NTRK2: variants seen among roughly 807,000 people sequenced by gnomAD.
The protein encoded by NTRK2 is neurotrophic receptor tyrosine kinase 2.
A neutral mutation model predicts 94.5 loss-of-function variants in NTRK2; 13 were observed. The observed-to-expected ratio is 0.14, with a 90% CI of 0.09 to 0.22. NTRK2 has a LOEUF of 0.22. NTRK2 is among the 10% of genes least tolerant of loss of function. The pLI, the probability that NTRK2 is intolerant of heterozygous loss-of-function variation, is 1.00. For missense variants in NTRK2, 639 were observed against 1,071.2 expected (o/e 0.60, Z 5.63); for synonymous variants, 372 against 407.4 (o/e 0.91, Z 1.05).
intron 17 of NTRK2, among the ~76,000 whole-genome samples, chr9:84,971,722 G>A (rs1043187859): frequency 6.6e-6 from 1 of 152,214 alleles, no homozygotes; most frequent in Non-Finnish European, 1.5e-5. Context: ...GCAACTCTGT[G>A]AGCCAGAGTA....
intron 4 of NTRK2, among the ~76,000 whole-genome samples, chr9:84,706,521 G>GTTTTTTTTTTTTTTTTTTTTT (rs1173199220): frequency 1.0e-5 from 1 of 95,384 alleles, no homozygotes; most frequent in South Asian, 4.0e-4. Context: ...GTTATTTTTT[G>GTTTTTTTTTTTTTTTTTTTTT]TTTTTGTTTT....
chr9:84,793,928 C>T (rs1350962341), intron 12 of NTRK2, among the ~76,000 whole-genome samples: 9 of 152,148 alleles, frequency 5.9e-5, no homozygotes, highest in East Asian at 1.9e-4. Flanking sequence ...GAGCACATAT[C>T]GAAGGCAGAA....
chr9:84,669,227 C>G (rs935963385), upstream of NTRK2: 1 of 152,510 alleles, frequency 6.6e-6, no homozygotes, highest in African/African-American at 2.4e-5. This position sits in a 1 kb window ranked among gnomAD's most constrained non-coding sequence, Gnocchi z 4.1. Flanking sequence ...CCCTTTTAGG[C>G]AGGGTGGGAA....
At position 84,869,378 on chromosome 9, in the gene NTRK2, C is replaced by T. The variant is rs149127551; in HGVS notation, c.1633+1947C>T. On this transcript the variant is annotated intron_variant, in intron 14 of 18. Transcript: ENST00000277120. ...CCCAGCTTAGTGTCCTCAGTCACTC[C>T]ACACCATATATCAAACGAGATTTTC... is the stretch of plus-strand genomic sequence containing the variant. Among the ~76,000 whole-genome samples the T allele has an allele frequency of 4.1e-3, 619 of 152,212 alleles. 5 individuals are homozygous for T. The highest frequency in any genetic ancestry group is 6.8e-3 in the Middle Eastern group (2 of 294).
chr9:84,881,877 C>G (rs1445519357), intron 14 of NTRK2, among the ~76,000 whole-genome samples: 2 of 152,104 alleles, frequency 1.3e-5, no homozygotes. Context: ...TATGCTAAAG[C>G]TTTATGTTTT....
At chr9:84,915,509 C>T (rs1228683593) in intron 14 of NTRK2, among the ~76,000 whole-genome samples, 1 of 152,202 alleles carries the variant, frequency 6.6e-6, no homozygotes, top group Non-Finnish European at 1.5e-5. Context: ...CTCAGGCCAG[C>T]TCCCTTTCCC....
At chr9:84,774,227 G>C (rs1178059542) in intron 12 of NTRK2, among the ~76,000 whole-genome samples, 1 of 152,166 alleles carries the variant, frequency 6.6e-6, no homozygotes, top group Non-Finnish European at 1.5e-5. Context: ...GACCCATATT[G>C]AGTTCTGAAA....
At chr9:84,807,858 T>C (rs1357114783) in intron 12 of NTRK2, among the ~76,000 whole-genome samples, 2 of 152,202 alleles carry the variant, frequency 1.3e-5, no homozygotes, top group Non-Finnish European at 2.9e-5. Context: ...TGTAGTGAAA[T>C]ATCTTTAGTC....
intron 14 of NTRK2, among the ~76,000 whole-genome samples, chr9:84,905,187 A>G (rs2077035469): frequency 6.6e-6 from 1 of 152,308 alleles, no homozygotes; most frequent in South Asian, 2.1e-4. Flanking sequence ...GAAGGGGAAG[A>G]AAGACAGTAG....
intron 9 of NTRK2, among the ~76,000 whole-genome samples, chr9:84,733,821 GC>G (rs1564151356): frequency 1.3e-5 from 2 of 152,168 alleles, no homozygotes. Context: ...TCTTGTGGAA[GC>G]CAGGGAACAG....
chr9:84,838,190 T>C (rs1324310199), intron 12 of NTRK2, among the ~76,000 whole-genome samples: 2 of 151,928 alleles, frequency 1.3e-5, no homozygotes, highest in Non-Finnish European at 1.5e-5. Flanking sequence ...TCACTCAGAA[T>C]AGGAAAACAA....
intron 12 of NTRK2, among the ~76,000 whole-genome samples, chr9:84,828,072 G>T (rs1432910987): frequency 6.6e-6 from 1 of 152,152 alleles, no homozygotes; most frequent in Non-Finnish European, 1.5e-5. Context: ...AACCTTAGGT[G>T]TGATATTAAT....
intron 6 of NTRK2, among the ~76,000 whole-genome samples, chr9:84,716,051 T>A (rs55888263): frequency 0.026 from 3,923 of 152,254 alleles, 74 homozygotes; most frequent in Admixed American, 0.047. Context: ...ATCAAAAGAA[T>A]CCCTGCACCT....
intron 14 of NTRK2, among the ~76,000 whole-genome samples, chr9:84,932,067 C>T (rs1022723547): frequency 1.3e-5 from 2 of 152,144 alleles, no homozygotes; most frequent in African/African-American, 4.8e-5. Context: ...TAGCTCTGAA[C>T]CACATGAATT....
chr9:84,706,696 T>G (rs2061119190), intron 4 of NTRK2, among the ~76,000 whole-genome samples: 2 of 151,542 alleles, frequency 1.3e-5, no homozygotes, highest in Non-Finnish European at 2.9e-5. Flanking sequence ...CCTGGCTAAT[T>G]TTTAGTATTT....
chr9:85,009,801 A>G (rs2133495405), intron 17 of NTRK2, among the ~76,000 whole-genome samples: 1 of 152,316 alleles, frequency 6.6e-6, no homozygotes, highest in South Asian at 2.1e-4. Context: ...TTAGAACCAT[A>G]ATGATGCCAG....
intron 12 of NTRK2, among the ~76,000 whole-genome samples, chr9:84,800,328 G>A (rs369179786): frequency 3.9e-5 from 6 of 152,074 alleles, no homozygotes; most frequent in African/African-American, 7.2e-5. Flanking sequence ...CTCAGTCTCC[G>A]GAGTAGCTGG....
Position 84,876,601 on chromosome 9 carries a change from G to C in NTRK2, c.1633+9170G>C, listed in dbSNP as rs201909741. The C allele has an allele frequency of 4.7e-6, 5 of 1,057,692 alleles. No individual in the cohort carries two copies. The South Asian group carries it at 1.4e-4, about 29-fold the overall frequency. 65.5% of individuals were successfully genotyped at this position (1,057,692 alleles called of 1,614,324 possible). ...CTGGTCTCACATTTTCTCTATCTTG[G>C]TTTTACTTCCATAAACATCAATATC... On this transcript the variant is annotated intron_variant, in intron 14 of 18. Transcript: ENST00000277120.
At chr9:84,960,303 G>T (rs75583888) in intron 17 of NTRK2, among the ~76,000 whole-genome samples, 1 of 152,098 alleles carries the variant, frequency 6.6e-6, no homozygotes, top group African/African-American at 2.4e-5. Context: ...ATGAATTTTA[G>T]CACCTTTCAC....
Sources: allele counts gnomAD v4.1 joint callset (sites outside exome capture counted in the v4.1 genomes callset), GRCh38; gene constraint gnomAD v4.1.1; non-coding constraint Gnocchi (gnomAD v3.1); transcripts MANE v1.5; gene names NCBI Gene and HGNC (gene_info 2026-07-23, HGNC 2026-07-21).